OSGEP: variants seen among roughly 807,000 people sequenced by gnomAD.
The protein encoded by OSGEP is tRNA N6-adenosine threonylcarbamoyltransferase.
A neutral mutation model predicts 44.1 loss-of-function variants in OSGEP; 39 were observed. That is an observed-to-expected ratio of 0.88 (90% CI 0.69 to 1.16). The LOEUF is 1.16. Among genes scored for constraint, OSGEP ranks in the 50% most tolerant of loss-of-function variants. OSGEP has a pLI of 0.00. For synonymous variants in OSGEP, 139 were observed against 161.9 expected (o/e 0.86, Z 1.07); for missense variants, 403 against 443.1 (o/e 0.91, Z 0.81).
rs142668248 is a variant in OSGEP at position 20,448,877 on chromosome 14, C to T, written c.558-66G>A. The T allele has an allele frequency of 4.0e-4, 643 of 1,588,538 alleles. 3 individuals are homozygous for T. The African/African-American group carries it at 7.4e-3, about 18-fold the overall frequency. ...AGCTGGCTTCTCACCCTCCAAAGCCCGTCCCAAATTTTGTTAATATATACC... is the reference window on the plus strand; with the variant it reads ...AGCTGGCTTCTCACCCTCCAAAGCCTGTCCCAAATTTTGTTAATATATACC... On this transcript the variant is annotated intron_variant, in intron 5 of 10. Coordinates refer to ENST00000206542, the MANE Select transcript of OSGEP (RefSeq NM_017807.4).
chr14:20,448,820 G>A lies in OSGEP; in HGVS notation c.558-9C>T. ...CAACTAGCTTCTTGCCTCTATGTGGGAATAAGCGTACGAGGCACTAAGCCT... is the reference window on the plus strand; with the variant it reads ...CAACTAGCTTCTTGCCTCTATGTGGAAATAAGCGTACGAGGCACTAAGCCT... On this transcript the variant is annotated splice_polypyrimidine_tract_variant and intron_variant, in intron 5 of 10. Transcript: ENST00000206542. 3.7e-6 allele frequency: 6 copies of A among 1,609,336 alleles called. No individual in the cohort carries two copies. The highest frequency in any genetic ancestry group is 5.1e-6 in the Non-Finnish European group (6 of 1,175,816).
At position 20,447,906 on chromosome 14, in the gene OSGEP, C is replaced by T; in HGVS notation, c.791G>A (p.Gly264Glu). 1 of 1,600,042 alleles carries T rather than the reference C, an allele frequency of 6.2e-7. No individual in the cohort carries two copies. The highest frequency in any genetic ancestry group is 1.1e-5 in the South Asian group (1 of 90,806). Reference protein sequence around the residue: ...SQEALIVGGVGCNVRLQEMMA... With the variant: ...SQEALIVGGVECNVRLQEMMA... Reference sequence around the variant, plus strand: ...GAACACTTTTCAATAATACATACACCCCACTCCTCCCACAATGAGGGCCTC... The same window carrying T: ...GAACACTTTTCAATAATACATACACTCCACTCCTCCCACAATGAGGGCCTC... Residue 264 changes from glycine (G) to glutamate (E), a missense_variant and splice_region_variant, in exon 8 of 11, where the codon GGG (glycine) becomes GAG (glutamate). By Grantham distance (98) the Gly-to-Glu change is moderately conservative (BLOSUM62 -2). Transcript: ENST00000206542.
At chr14:20,454,376 GTAAA>G (rs560041550) in intron 1 of OSGEP, among the ~76,000 whole-genome samples, 189 bp downstream of exon 1, 58 of 152,296 alleles carry the variant, frequency 3.8e-4, no homozygotes, top group African/African-American at 1.3e-3. Context: ...TCAGTAAAAG[GTAAA>G]TGAACTCATC....
Position 20,452,356 on chromosome 14 carries a change from C to T in OSGEP, c.208G>A (p.Asp70Asn). ...TTGGTGTATGCAATGCAGTCGATAT[C>T]CTGGGAGGTTAATCCAGACTCTGTT... Reference protein sequence around the residue: ...ALTESGLTSQDIDCIAYTKGP... With the variant: ...ALTESGLTSQNIDCIAYTKGP... The change falls in exon 2 of 11, where the codon GAT becomes AAT. Residue 70 changes from aspartate (D) to asparagine (N), a missense_variant. Asp to Asn is a conservative substitution (Grantham distance 23). Transcript: ENST00000206542. 6.2e-7 allele frequency: 1 copy of T among 1,613,968 alleles called. No individual in the cohort carries two copies.
intron 1 of OSGEP, among the ~76,000 whole-genome samples, chr14:20,453,206 T>C (rs1234554834): frequency 2.0e-5 from 3 of 152,186 alleles, no homozygotes; most frequent in African/African-American, 7.2e-5. Context: ...AACATACATA[T>C]ATATTTCTAG....
intron 1 of OSGEP, among the ~76,000 whole-genome samples, chr14:20,453,853 T>C (rs1881178537): frequency 6.6e-6 from 1 of 152,046 alleles, no homozygotes; most frequent in Non-Finnish European, 1.5e-5. Context: ...ACCCCGACTC[T>C]ACTAAAAATA....
intron 3 of OSGEP, chr14:20,450,768 A>C (rs910466287): frequency 2.0e-5 from 3 of 152,238 alleles, no homozygotes; most frequent in Non-Finnish European, 4.4e-5. Context: ...TCCCAACCTT[A>C]AAAAGGTCAT....
intron 1 of OSGEP, 46 bp downstream of exon 1, chr14:20,454,523 G>A (rs765841552): frequency 9.5e-6 from 12 of 1,259,986 alleles, no homozygotes; most frequent in Middle Eastern, 3.7e-4. Flanking sequence ...GGCTGATTCT[G>A]TGCGGGGAAG....
chr14:20,454,674 C>T lies in OSGEP; in HGVS notation c.10G>A (p.Val4Met). 6.2e-7 allele frequency: 1 copy of T among 1,613,404 alleles called. No individual in the cohort carries two copies. Among genetic ancestry groups the T allele is most frequent in the Non-Finnish European group, 8.5e-7 (1 of 1,179,398 alleles). MPA[V>M]LGFEGSANKI... ...TTGGCGCTGCCTTCAAAACCCAGCA[C>T]CGCCGGCATGGCGGAGGCTGGGAGA... Residue 4 changes from valine to methionine, a missense_variant, in exon 1 of 11, where the codon GTG (valine) becomes ATG (methionine). Coordinates refer to ENST00000206542, the MANE Select transcript of OSGEP (RefSeq NM_017807.4).
chr14:20,452,261 G>A, intron 2 of OSGEP, 68 bp downstream of exon 2: 1 of 1,599,302 alleles, frequency 6.3e-7, no homozygotes, highest in Non-Finnish European at 8.5e-7. Context: ...GAGGTAAGGT[G>A]TTGGCTATTT....
At position 20,454,680 on chromosome 14, in the gene OSGEP, G is replaced by C. The variant is rs1237064310; in HGVS notation, c.4C>G (p.Pro2Ala). ...CTGCCTTCAAAACCCAGCACCGCCG[G>C]CATGGCGGAGGCTGGGAGAAAACGC... M[P>A]AVLGFEGSAN... is the part of the protein sequence containing the mutation. The change falls in exon 1 of 11, where the codon CCG becomes GCG. Residue 2 changes from proline to alanine, a missense_variant. Pro to Ala is a conservative substitution (Grantham distance 27). Coordinates refer to ENST00000206542, the MANE Select transcript of OSGEP (RefSeq NM_017807.4). The C allele has an allele frequency of 1.9e-6, 3 of 1,611,608 alleles. No individual in the cohort carries two copies. The highest frequency in any genetic ancestry group is 2.5e-6 in the Non-Finnish European group (3 of 1,177,962).
At chr14:20,448,894 ATATATACCG>A (rs2139290721) in intron 5 of OSGEP, 61 bp downstream of exon 5, 2 of 1,594,106 alleles carry the variant, frequency 1.3e-6, no homozygotes, top group Non-Finnish European at 1.7e-6. Flanking sequence ...AATTTTGTTA[ATATATACCG>A]TATATGGGGA....
chr14:20,452,335 T>A lies in OSGEP; in HGVS notation c.229A>T (p.Thr77Ser), dbSNP rs1047263969. ...TSQDIDCIAY[T>S]KGPGMGAPLV... ...ACCACTCTCCCAGCCATACCCTTGG[T>A]GTATGCAATGCAGTCGATATCCTGG... is the stretch of plus-strand genomic sequence containing the variant. Residue 77 changes from threonine (T) to serine (S), a missense_variant, in exon 2 of 11, where the codon ACC becomes TCC. Thr to Ser is a moderately conservative substitution (Grantham distance 58, BLOSUM62 1). Coordinates refer to ENST00000206542, the MANE Select transcript of OSGEP (RefSeq NM_017807.4). 12 of 1,613,636 alleles carry A rather than the reference T, an allele frequency of 7.4e-6. No individual in the cohort carries two copies. Among genetic ancestry groups the A allele is most frequent in the Admixed American group, 3.3e-5 (2 of 59,992 alleles).
rs1010120463 is a variant in OSGEP, at chr14:20,449,533, G to T, written c.412-267C>A. The T allele has an allele frequency of 1.5e-5, 6 of 397,028 alleles. No individual in the cohort carries two copies. The Admixed American group carries it at 1.9e-4, about 12-fold the overall frequency. 24.6% of individuals were successfully genotyped at this position (397,028 alleles called of 1,614,324 possible). On this transcript the variant is annotated intron_variant, in intron 3 of 10. Transcript: ENST00000206542. ...GTCATTTCAAATACATTGGTTTTCCGGCTTAGAAGTTCCTAATATATCCCT... is the reference window on the plus strand; with the variant it reads ...GTCATTTCAAATACATTGGTTTTCCTGCTTAGAAGTTCCTAATATATCCCT...
In OSGEP at chr14:20,447,121, A is replaced by G. The variant is rs922911630; in HGVS notation, c.*119T>C. Reference sequence around the variant, plus strand: ...ATCCTGGGGTTCCATAAAGGACCCCAAGCCTTGCTTGGAGTCTATAGCTTT... The same window carrying G: ...ATCCTGGGGTTCCATAAAGGACCCCGAGCCTTGCTTGGAGTCTATAGCTTT... On this transcript the variant is annotated 3_prime_UTR_variant, in exon 11 of 11. Transcript: ENST00000206542. The G allele has an allele frequency of 3.4e-6, 3 of 871,536 alleles. No homozygotes were observed. The highest frequency in any genetic ancestry group is 3.4e-5 in the African/African-American group (2 of 59,400). 54.0% of individuals were successfully genotyped at this position (871,536 alleles called of 1,614,324 possible).
chr14:20,451,291 G>GC, intron 3 of OSGEP: 1 of 282,554 alleles, frequency 3.5e-6, no homozygotes, highest in Non-Finnish European at 6.8e-6. Flanking sequence ...TCCTTTAGTT[G>GC]TTTTTTTTTG....
Position 20,454,720 on chromosome 14 carries a change from G to A in OSGEP, c.-37C>T. ...GGAGAAAACGCCGACAGGACTCCTG[G>A]CAATGTCAGGAGCTGTGGAGGTCCT... On this transcript the variant is annotated 5_prime_UTR_variant, in exon 1 of 11. Transcript: ENST00000206542. 6.8e-7 allele frequency: 1 copy of A among 1,468,280 alleles called. No individual in the cohort carries two copies. Among genetic ancestry groups the A allele is most frequent in the Non-Finnish European group, 9.5e-7 (1 of 1,049,362 alleles). 91.0% of individuals were successfully genotyped at this position (1,468,280 alleles called of 1,614,324 possible). A position where few individuals can be genotyped will look rare whatever the true frequency, so the allele number is the denominator to read the frequency against.
chr14:20,449,266 C>T lies in OSGEP; in HGVS notation c.412G>A (p.Val138Met), dbSNP rs746804403. ...TAACGATGTTCCGAGTATGCAATCA[C>T]CTAAGGGTGATGAGGAAGTCCATGA... is the stretch of plus-strand genomic sequence containing the variant. ...VLYVSGGNTQ[V>M]IAYSEHRYRI... The change falls in exon 4 of 11, where the codon GTG becomes ATG. Residue 138 changes from valine to methionine, a missense_variant and splice_region_variant. Coordinates refer to ENST00000206542, the MANE Select transcript of OSGEP (RefSeq NM_017807.4). The T allele has an allele frequency of 3.1e-6, 5 of 1,591,716 alleles. No individual in the cohort carries two copies. The highest frequency in any genetic ancestry group is 3.3e-5 in the Admixed American group (2 of 59,960).
Position 20,447,210 on chromosome 14 carries a change from GA to G in OSGEP, c.*29del. 6.2e-7 allele frequency: 1 copy of G among 1,602,870 alleles called. No homozygotes were observed. Reference sequence around the variant, plus strand: ...CGGGGTCCTTTGGGTTCCGATTAAGGAACTATCTACTCTGATTCTGTTGATC... The same window carrying G: ...CGGGGTCCTTTGGGTTCCGATTAAGGACTATCTACTCTGATTCTGTTGATC... On this transcript the variant is annotated 3_prime_UTR_variant, in exon 11 of 11. Coordinates refer to ENST00000206542, the MANE Select transcript of OSGEP (RefSeq NM_017807.4).
Sources: gnomAD v4.1 joint callset for allele counts (sites outside exome capture counted in the v4.1 genomes callset) on GRCh38, gnomAD v4.1.1 for gene constraint, MANE v1.5 for transcripts, NCBI Gene and HGNC (gene_info 2026-07-23, HGNC 2026-07-21) for gene names.